Variants in PDZRN4 observed in about 807,000 individuals in gnomAD.
PDZRN4 encodes PDZ domain containing ring finger 4, also known as PDZ domain-containing RING finger protein 4.
In PDZRN4, 70 loss-of-function variants were observed where a neutral mutation model predicts 99.0. That is an observed-to-expected ratio of 0.71 (90% CI 0.58 to 0.86). The LOEUF (loss-of-function observed/expected upper bound fraction) is 0.86. PDZRN4 is among the 40% of genes least tolerant of loss of function. The pLI, the probability that PDZRN4 is intolerant of heterozygous loss-of-function variation, is 0.00. For synonymous variants in PDZRN4, 551 were observed against 501.6 expected, an observed-to-expected ratio of 1.10 and a Z score of -1.32; for missense variants, 1,474 against 1,331.2, an observed-to-expected ratio of 1.11 and a Z score of -1.67.
At chr12:41,252,268 G>T (rs938589675) in intron 3 of PDZRN4, among the ~76,000 whole-genome samples, 3 of 152,094 alleles carry the variant, frequency 2.0e-5, no homozygotes, top group Admixed American at 1.3e-4. Context: ...AAACATAGGA[G>T]GGTGCTCTTT....
chr12:41,473,344 A>C (rs2120575824), intron 3 of PDZRN4: 1 of 152,324 alleles, frequency 6.6e-6, no homozygotes, highest in African/African-American at 2.4e-5. Context: ...ATAGGAACAA[A>C]CCATAACAAA....
rs190561117 is a variant in PDZRN4 at position 41,281,182 on chromosome 12, A to G, written c.843+86994A>G. 9.7e-4 allele frequency among the ~76,000 whole-genome samples: 147 copies of G among 151,862 alleles called. 1 individual carries two copies. The highest frequency in any genetic ancestry group is 3.4e-3 in the African/African-American group (143 of 41,512). On this transcript the variant is annotated intron_variant, in intron 3 of 9. Transcript: ENST00000402685. ...GCAGTATCATCAACATCAACAAAAC[A>G]GATGACCACGCAAAAACTCCATCCA...
chr12:41,255,001 G>A (rs1184859610), intron 3 of PDZRN4, among the ~76,000 whole-genome samples: 2 of 152,204 alleles, frequency 1.3e-5, no homozygotes, highest in African/African-American at 4.8e-5. Context: ...GATTGCTTGA[G>A]CCAAGGACAT....
intron 3 of PDZRN4, among the ~76,000 whole-genome samples, chr12:41,385,516 A>G (rs1170803425): frequency 6.6e-6 from 1 of 152,196 alleles, no homozygotes; most frequent in African/African-American, 2.4e-5. Flanking sequence ...AGAAATATAA[A>G]CAACCATCAG....
At chr12:41,246,590 AG>A (rs1321753419) in intron 3 of PDZRN4, among the ~76,000 whole-genome samples, 1 of 152,212 alleles carries the variant, frequency 6.6e-6, no homozygotes, top group Non-Finnish European at 1.5e-5. Flanking sequence ...TTGGAGCTAT[AG>A]ATGAGGTAAC....
At chr12:41,196,096 C>T (rs1485819723) in intron 3 of PDZRN4, among the ~76,000 whole-genome samples, 2 of 151,850 alleles carry the variant, frequency 1.3e-5, no homozygotes, top group Non-Finnish European at 2.9e-5. Context: ...TGGTTACAAA[C>T]CTACTGTTTT....
chr12:41,208,600 A>G (rs1463583731), intron 3 of PDZRN4, among the ~76,000 whole-genome samples: 1 of 151,984 alleles, frequency 6.6e-6, no homozygotes, highest in Non-Finnish European at 1.5e-5. Context: ...TATCCAGATT[A>G]ATTCCTTACA....
chr12:41,244,264 A>G (rs1951118900), intron 3 of PDZRN4, among the ~76,000 whole-genome samples: 2 of 151,950 alleles, frequency 1.3e-5, no homozygotes, highest in Non-Finnish European at 2.9e-5. Flanking sequence ...CCATCTCACC[A>G]TCTACACTAA....
At chr12:41,354,355 T>C (rs975531627) in intron 3 of PDZRN4, among the ~76,000 whole-genome samples, 1 of 152,030 alleles carries the variant, frequency 6.6e-6, no homozygotes, top group African/African-American at 2.4e-5. Flanking sequence ...GCCTCACTTA[T>C]GTATTTGCAT....
At chr12:41,252,186 T>C (rs1479198498) in intron 3 of PDZRN4, among the ~76,000 whole-genome samples, 1 of 152,160 alleles carries the variant, frequency 6.6e-6, no homozygotes, top group Non-Finnish European at 1.5e-5. Context: ...CCTTTGGCAA[T>C]GTCTTATAAA....
rs1939516077 is a variant in PDZRN4 at position 41,573,239 on chromosome 12, G to A, written c.2460G>A (p.Glu820=). The part of the protein sequence containing the change: ...VLEGSKLPDQ[E]KAVSEHIPYL... ...AAGGCAGCAAGCTTCCTGATCAAGA[G>A]AAGGCAGTCAGCGAACACATCCCTT... The change falls in exon 10 of 10, where the codon GAG becomes GAA. Residue 820 remains glutamate, a synonymous_variant. Coordinates refer to ENST00000402685, the MANE Select transcript of PDZRN4 (RefSeq NM_001164595.2). The A allele has an allele frequency of 6.2e-7, 1 of 1,614,096 alleles. No homozygotes were observed. The highest frequency in any genetic ancestry group is 1.3e-5 in the African/African-American group (1 of 75,034).
chr12:41,567,932 T>C (rs934019241), intron 9 of PDZRN4, 33 bp downstream of exon 9: 3 of 1,239,348 alleles, frequency 2.4e-6, no homozygotes, highest in East Asian at 4.8e-5. Context: ...CATCATTTGA[T>C]ATGTTGCTTG....
intron 3 of PDZRN4, among the ~76,000 whole-genome samples, chr12:41,216,205 T>A (rs1332667045): frequency 1.3e-5 from 2 of 152,018 alleles, no homozygotes; most frequent in Non-Finnish European, 2.9e-5. Context: ...GTTCTGGACA[T>A]TATAGAGAAA....
intron 3 of PDZRN4, among the ~76,000 whole-genome samples, chr12:41,393,912 T>G (rs1006090267): frequency 6.6e-6 from 1 of 152,216 alleles, no homozygotes; most frequent in Admixed American, 6.5e-5. Flanking sequence ...ACAGGTAGCG[T>G]CTCTGCAATG....
chr12:41,545,198 C>T (rs10880097), intron 5 of PDZRN4, among the ~76,000 whole-genome samples: 22,381 of 152,134 alleles, frequency 0.15, 2,100 homozygotes, highest in Non-Finnish European at 0.21. Flanking sequence ...GTCATCCTTC[C>T]GTGATCTGGC....
chr12:41,498,630 C>T (rs1196533118), intron 3 of PDZRN4, among the ~76,000 whole-genome samples: 3 of 152,060 alleles, frequency 2.0e-5, no homozygotes, highest in South Asian at 2.1e-4. Flanking sequence ...CACCTCTGAA[C>T]GTTTTCATAT....
At chr12:41,308,330 G>T (rs1951585271) in intron 3 of PDZRN4, among the ~76,000 whole-genome samples, 1 of 152,130 alleles carries the variant, frequency 6.6e-6, no homozygotes. Flanking sequence ...CATTTAATTT[G>T]CACCTTGACT....
chr12:41,472,003 C>CT (rs71081744), intron 3 of PDZRN4, among the ~76,000 whole-genome samples: 37,392 of 140,076 alleles, frequency 0.27, 5,528 homozygotes, highest in African/African-American at 0.4. Context: ...TTCTATATTA[C>CT]TTTTTTTTTT....
intron 3 of PDZRN4, among the ~76,000 whole-genome samples, chr12:41,253,991 G>C (rs949718391): frequency 6.6e-6 from 1 of 150,750 alleles, no homozygotes; most frequent in African/African-American, 2.4e-5. Context: ...GAAGGGAAGA[G>C]GGAGAGGAGA....
Sources: gnomAD v4.1 joint callset for allele counts (sites outside exome capture counted in the v4.1 genomes callset) on GRCh38, gnomAD v4.1.1 for gene constraint, MANE v1.5 for transcripts, NCBI Gene and HGNC (gene_info 2026-07-23, HGNC 2026-07-21) for gene names.